Variants in ADAMTSL1 observed in about 807,000 individuals in gnomAD.
ADAMTSL1 encodes ADAMTS-like protein 1.
In ADAMTSL1, 126 loss-of-function variants were observed where a neutral mutation model predicts 201.8. The ratio of observed to expected loss-of-function variants is 0.62; its 90% CI spans 0.54 to 0.72. ADAMTSL1 has a LOEUF of 0.72. ADAMTSL1 is among the 30% of genes least tolerant of loss of function. The probability of loss-of-function intolerance (pLI) is 0.00; values close to 1 mark genes in which losing one functional copy is unlikely to be tolerated. For missense variants in ADAMTSL1, 2,679 were observed against 2,277.8 expected (o/e 1.18, Z -3.59); for synonymous variants, 1,121 against 903.4 (o/e 1.24, Z -4.32).
At chr9:17,954,437 G>C (rs911342423) in intron 1 of ADAMTSL1, among the ~76,000 whole-genome samples, 2 of 152,182 alleles carry the variant, frequency 1.3e-5, no homozygotes, top group African/African-American at 4.8e-5. Context: ...TTTGTTATTA[G>C]CAATTGTCTG....
At chr9:18,771,431 T>C (rs1001658900) in intron 17 of ADAMTSL1, among the ~76,000 whole-genome samples, 15 of 152,316 alleles carry the variant, frequency 9.8e-5, no homozygotes, top group African/African-American at 3.4e-4. Context: ...TTCTAAATAA[T>C]GCCTCTCCTA....
At chr9:17,908,667 A>G (rs1015120564) in intron 1 of ADAMTSL1, among the ~76,000 whole-genome samples, 7 of 152,188 alleles carry the variant, frequency 4.6e-5, no homozygotes, top group Non-Finnish European at 1.0e-4. Context: ...CTTGCTGGCC[A>G]GGCTAGTCTC....
chr9:18,667,360 C>A (rs1829511819), intron 9 of ADAMTSL1, among the ~76,000 whole-genome samples: 2 of 151,996 alleles, frequency 1.3e-5, no homozygotes, highest in Admixed American at 1.3e-4. Flanking sequence ...GTGTAGTAGG[C>A]ATGTAAAAAT....
chr9:18,739,286 A>G (rs1818687898), intron 15 of ADAMTSL1, among the ~76,000 whole-genome samples: 1 of 152,216 alleles, frequency 6.6e-6, no homozygotes, highest in Admixed American at 6.5e-5. Context: ...CACAGATGGA[A>G]GTGGATGGTA....
intron 2 of ADAMTSL1, among the ~76,000 whole-genome samples, chr9:18,187,818 A>G (rs940344106): frequency 1.3e-5 from 2 of 152,204 alleles, no homozygotes; most frequent in Non-Finnish European, 2.9e-5. Flanking sequence ...TCATTTGCTA[A>G]TTCAGAGACA....
At position 18,468,502 on chromosome 9, in the gene ADAMTSL1, G is replaced by T. The variant is rs1270243327; in HGVS notation, c.208-36327G>T. ...ATTTATTATCTCCTACTTGTATCAGGCTCTGAGCTAAACACTCTACAAACC... is the reference window on the plus strand; with the variant it reads ...ATTTATTATCTCCTACTTGTATCAGTCTCTGAGCTAAACACTCTACAAACC... On this transcript the variant is annotated intron_variant, in intron 2 of 29. Coordinates refer to the ADAMTSL1 transcript ENST00000680146. 2.0e-5 allele frequency among the ~76,000 whole-genome samples: 3 copies of T among 151,720 alleles called. 1 individual carries two copies. The highest frequency in any genetic ancestry group is 2.0e-4 in the Admixed American group (3 of 15,224).
intron 2 of ADAMTSL1, among the ~76,000 whole-genome samples, chr9:18,174,875 T>C (rs1014064743): frequency 6.6e-5 from 10 of 152,192 alleles, no homozygotes; most frequent in African/African-American, 2.2e-4. Context: ...TATTACCCAA[T>C]GGAAAGTTTG....
intron 9 of ADAMTSL1, among the ~76,000 whole-genome samples, chr9:18,671,384 G>T (rs1405812470): frequency 6.6e-6 from 1 of 152,192 alleles, no homozygotes; most frequent in Non-Finnish European, 1.5e-5. Context: ...CAGCAGAGTA[G>T]GCTGGATTGA....
At chr9:17,916,414 C>T (rs2131280899) in intron 1 of ADAMTSL1, among the ~76,000 whole-genome samples, 1 of 152,302 alleles carries the variant, frequency 6.6e-6, no homozygotes, top group Admixed American at 6.5e-5. Context: ...CCCAAAATTA[C>T]AGAGGTTGTC....
At chr9:17,939,863 G>A (rs1588447904) in intron 1 of ADAMTSL1, among the ~76,000 whole-genome samples, 1 of 152,264 alleles carries the variant, frequency 6.6e-6, no homozygotes, top group African/African-American at 2.4e-5. Flanking sequence ...ATGGAGGCCT[G>A]AGAGGACATG....
intron 23 of ADAMTSL1, among the ~76,000 whole-genome samples, chr9:18,858,007 A>G (rs537361923): frequency 4.2e-4 from 64 of 151,918 alleles, no homozygotes; most frequent in African/African-American, 1.4e-3. Flanking sequence ...ACATCAAGTA[A>G]GTTCATTGCT....
At chr9:18,181,695 T>G (rs1208606565) in intron 2 of ADAMTSL1, among the ~76,000 whole-genome samples, 2 of 151,978 alleles carry the variant, frequency 1.3e-5, no homozygotes, top group African/African-American at 4.8e-5. Context: ...GGTGGGACTG[T>G]AAACTAGTTC....
chr9:18,845,705 A>C (rs1249587048), intron 23 of ADAMTSL1, among the ~76,000 whole-genome samples: 2 of 152,232 alleles, frequency 1.3e-5, no homozygotes, highest in Admixed American at 1.3e-4. Flanking sequence ...CATCCCTGCT[A>C]AGAGCGGCAA....
chr9:18,575,584 T>A (rs995780526), intron 4 of ADAMTSL1, among the ~76,000 whole-genome samples: 2 of 152,174 alleles, frequency 1.3e-5, no homozygotes, highest in African/African-American at 4.8e-5. Context: ...CTGAAAAATC[T>A]TTAGGAATAG....
intron 4 of ADAMTSL1, among the ~76,000 whole-genome samples, chr9:18,585,675 C>G (rs1823440949): frequency 6.6e-6 from 1 of 152,092 alleles, no homozygotes; most frequent in Non-Finnish European, 1.5e-5. Context: ...AGATCAATAT[C>G]CTTGATGAAT....
chr9:18,334,556 GTGC>G (rs1247137186), intron 2 of ADAMTSL1, among the ~76,000 whole-genome samples: 1 of 152,096 alleles, frequency 6.6e-6, no homozygotes, highest in Non-Finnish European at 1.5e-5. Context: ...CCTAATAGTG[GTGC>G]TATCCAGTCA....
chr9:18,444,312 AATGGGTAAT>A (rs1354021592), intron 2 of ADAMTSL1, among the ~76,000 whole-genome samples: 1 of 152,178 alleles, frequency 6.6e-6, no homozygotes, highest in East Asian at 1.9e-4. Flanking sequence ...CTTTTGAGCT[AATGGGTAAT>A]ATATTCCTTT....
At chr9:18,881,655 A>G (rs1828543456) in intron 23 of ADAMTSL1, among the ~76,000 whole-genome samples, 1 of 152,238 alleles carries the variant, frequency 6.6e-6, no homozygotes, top group Admixed American at 6.5e-5. Context: ...GTATGCACAC[A>G]CTGTTAGAAA....
In ADAMTSL1 at chr9:18,681,800, A is replaced by G. The variant is rs777066173; in HGVS notation, c.1342-12A>G. ...GCCTACGAGTCTCCTCTCTCTTGCAATCTCTTTCCAGTGCACAGTGACATG... is the reference window on the plus strand; with the variant it reads ...GCCTACGAGTCTCCTCTCTCTTGCAGTCTCTTTCCAGTGCACAGTGACATG... On this transcript the variant is annotated splice_polypyrimidine_tract_variant and intron_variant, in intron 11 of 28. Coordinates refer to ENST00000380548, the MANE Select transcript of ADAMTSL1 (RefSeq NM_001040272.6). 10 of 1,596,260 alleles carry G rather than the reference A, an allele frequency of 6.3e-6. No homozygotes were observed. The highest frequency in any genetic ancestry group is 8.5e-6 in the Non-Finnish European group (10 of 1,170,606).
Sources: gnomAD v4.1 joint callset for allele counts (sites outside exome capture counted in the v4.1 genomes callset) on GRCh38, gnomAD v4.1.1 for gene constraint, MANE v1.5 for transcripts, NCBI Gene and HGNC (gene_info 2026-07-23, HGNC 2026-07-21) for gene names.